C1orf21: variants seen among roughly 807,000 people sequenced by gnomAD.
The protein encoded by C1orf21 is chromosome 1 open reading frame 21.
In C1orf21, 3 loss-of-function variants were observed where a neutral mutation model predicts 18.7. That is an observed-to-expected ratio of 0.16 (90% CI 0.07 to 0.42). C1orf21 has a LOEUF of 0.42. Ranked by LOEUF, C1orf21 falls within the 10% of genes least tolerant of loss-of-function variation. The probability of loss-of-function intolerance (pLI) is 0.99; values close to 1 mark genes in which losing one functional copy is unlikely to be tolerated. For missense variants in C1orf21, 104 were observed against 143.6 expected, an observed-to-expected ratio of 0.72 and a Z score of 1.41; for synonymous variants, 41 against 46.4, an observed-to-expected ratio of 0.88 and a Z score of 0.47.
intron 1 of C1orf21, among the ~76,000 whole-genome samples, chr1:184,401,990 C>G (rs188324779): frequency 6.6e-6 from 1 of 151,900 alleles, no homozygotes. Context: ...ATCATAAATG[C>G]TTGATCTGTA....
At chr1:184,518,844 G>A (rs752315325) in intron 3 of C1orf21, among the ~76,000 whole-genome samples, 3 of 152,062 alleles carry the variant, frequency 2.0e-5, no homozygotes, top group Non-Finnish European at 4.4e-5. Flanking sequence ...AGTCTCTGAT[G>A]GAGGTTCTTG....
intron 3 of C1orf21, among the ~76,000 whole-genome samples, chr1:184,514,522 G>A (rs1658195683): frequency 6.6e-6 from 1 of 152,126 alleles, no homozygotes; most frequent in East Asian, 1.9e-4. Flanking sequence ...ATTTTGGCCT[G>A]ATTACAGGAA....
intron 1 of C1orf21, among the ~76,000 whole-genome samples, chr1:184,409,415 G>A (rs1304634896): frequency 6.6e-6 from 1 of 152,156 alleles, no homozygotes; most frequent in African/African-American, 2.4e-5. Flanking sequence ...TGGGAAGATT[G>A]CAGAAAATGA....
Position 184,410,616 on chromosome 1 carries a change from A to ATT in C1orf21, c.-125+23249_-125+23250dup, listed in dbSNP as rs1163343010. Reference sequence around the variant, plus strand: ...AGTGAAAGATTAATTTGCCATATATATTATATATATATATATATATATATA... The same window carrying ATT: ...AGTGAAAGATTAATTTGCCATATATATTTTATATATATATATATATATATATA... On this transcript the variant is annotated intron_variant, in intron 1 of 5. Transcript: ENST00000235307. Among the ~76,000 whole-genome samples the ATT allele has an allele frequency of 3.3e-3, 137 of 41,956 alleles. 3 individuals carry two copies. The highest frequency in any genetic ancestry group is 4.7e-3 in the Non-Finnish European group (131 of 27,826). The allele number at this position is 41,956 out of a possible 152,430, so 27.5% of individuals were successfully genotyped here.
intron 2 of C1orf21, among the ~76,000 whole-genome samples, chr1:184,487,951 T>C (rs1657756596): frequency 6.6e-6 from 1 of 152,254 alleles, no homozygotes; most frequent in Non-Finnish European, 1.5e-5. Context: ...CTCATCATCA[T>C]ATTAGCAGCC....
chr1:184,435,598 C>T (rs1467922890), intron 1 of C1orf21, among the ~76,000 whole-genome samples: 1 of 152,182 alleles, frequency 6.6e-6, no homozygotes, highest in Non-Finnish European at 1.5e-5. Flanking sequence ...CCACCTTGAC[C>T]TCCCAAAGTG....
intron 3 of C1orf21, among the ~76,000 whole-genome samples, chr1:184,562,884 C>A (rs1658986182): frequency 6.6e-6 from 1 of 152,172 alleles, no homozygotes; most frequent in Non-Finnish European, 1.5e-5. Flanking sequence ...ATTATATAGA[C>A]TTTGGGGTAG....
intron 4 of C1orf21, among the ~76,000 whole-genome samples, chr1:184,596,715 C>A (rs1389285281): frequency 6.6e-6 from 1 of 151,814 alleles, no homozygotes; most frequent in Non-Finnish European, 1.5e-5. Context: ...ACTAAAAATA[C>A]AAAAAATTAG....
intron 1 of C1orf21, among the ~76,000 whole-genome samples, chr1:184,392,769 G>A (rs142517018): frequency 2.3e-3 from 341 of 146,906 alleles, no homozygotes; most frequent in Middle Eastern, 0.019. Flanking sequence ...CCTTTCTGAA[G>A]ATTTTTCATG....
chr1:184,477,524 C>G lies in C1orf21; in HGVS notation c.15C>G (p.Ser5=). 6.2e-7 allele frequency: 1 copy of G among 1,613,932 alleles called. No individual in the cohort carries two copies. The highest frequency in any genetic ancestry group is 8.5e-7 in the Non-Finnish European group (1 of 1,179,892). The part of the protein sequence containing the change: MGCA[S]AKHVATVQNE... ...CGAATGAGACTATGGGCTGTGCCTC[C>G]GCCAAGCATGTTGCCACTGTTCAAA... Residue 5 remains serine (S), a synonymous_variant, in exon 2 of 6, where the codon TCC becomes TCG. Transcript: ENST00000235307.
At chr1:184,431,402 A>G (rs1273358809) in intron 1 of C1orf21, among the ~76,000 whole-genome samples, 1 of 152,228 alleles carries the variant, frequency 6.6e-6, no homozygotes, top group Non-Finnish European at 1.5e-5. Context: ...GTATTGGGAA[A>G]TCTGGCTAGC....
rs139357234 is a variant in C1orf21, at chr1:184,529,187, T to G, written c.189+21505T>G. 5.5e-3 allele frequency among the ~76,000 whole-genome samples: 839 copies of G among 152,350 alleles called. 5 individuals are homozygous for G. The highest frequency in any genetic ancestry group is 0.01 in the Middle Eastern group (3 of 294). ...TCTTTAAAATAGATTGCTGGCTAAT[T>G]TATTTCCTACTCTCTTTTCTGCTTT... On this transcript the variant is annotated intron_variant, in intron 3 of 5. Coordinates refer to ENST00000235307, the MANE Select transcript of C1orf21 (RefSeq NM_030806.4).
intron 5 of C1orf21, among the ~76,000 whole-genome samples, chr1:184,600,084 A>G (rs1426310494): frequency 6.6e-6 from 1 of 152,228 alleles, no homozygotes; most frequent in East Asian, 1.9e-4. Flanking sequence ...GTAGATGGTA[A>G]AACTTGAAAC....
At chr1:184,437,974 C>T (rs746677435) in intron 1 of C1orf21, among the ~76,000 whole-genome samples, 3 of 152,134 alleles carry the variant, frequency 2.0e-5, no homozygotes, top group Non-Finnish European at 4.4e-5. Flanking sequence ...TGCCATCACT[C>T]ATCTGACAGG....
At chr1:184,394,517 T>C (rs1386077643) in intron 1 of C1orf21, among the ~76,000 whole-genome samples, 1 of 152,156 alleles carries the variant, frequency 6.6e-6, no homozygotes, top group East Asian at 1.9e-4. Context: ...ATCATAGCCA[T>C]TCCTAAAAGC....
At chr1:184,615,437 G>A (rs541505998) in intron 5 of C1orf21, among the ~76,000 whole-genome samples, 301 of 152,302 alleles carry the variant, frequency 2.0e-3, no homozygotes, top group Non-Finnish European at 3.3e-3. Flanking sequence ...GCAGCTTTCA[G>A]TGTGTCCTTT....
chr1:184,520,063 A>G (rs1314261169), intron 3 of C1orf21, among the ~76,000 whole-genome samples: 2 of 152,240 alleles, frequency 1.3e-5, no homozygotes, highest in African/African-American at 2.4e-5. Flanking sequence ...AGGTACCATT[A>G]TAAGTGCCTG....
intron 3 of C1orf21, among the ~76,000 whole-genome samples, chr1:184,526,047 C>T (rs1201419817): frequency 6.6e-6 from 1 of 152,096 alleles, no homozygotes; most frequent in African/African-American, 2.4e-5. Flanking sequence ...TGAAGCTATT[C>T]CCATTATTTA....
At chr1:184,522,831 G>A (rs192514303) in intron 3 of C1orf21, among the ~76,000 whole-genome samples, 2 of 152,272 alleles carry the variant, frequency 1.3e-5, no homozygotes, top group East Asian at 1.9e-4. Context: ...GGGACCACAG[G>A]CATATACCAC....
Sources: allele counts gnomAD v4.1 joint callset (sites outside exome capture counted in the v4.1 genomes callset), GRCh38; gene constraint gnomAD v4.1.1; transcripts MANE v1.5; gene names NCBI Gene and HGNC (gene_info 2026-07-23, HGNC 2026-07-21).